The following WWTR1 variants were observed in gnomAD, a reference collection of about 807,000 sequenced individuals.
WWTR1 encodes WW domain containing transcription regulator 1, also known as WW domain-containing transcription regulator protein 1.
Under a neutral mutation model 40.1 loss-of-function variants are expected in WWTR1, and 13 were observed. That is an observed-to-expected ratio of 0.32 (90% CI 0.21 to 0.52). The LOEUF (loss-of-function observed/expected upper bound fraction) is 0.52. Among genes scored for constraint, WWTR1 ranks in the 20% least tolerant of loss-of-function variants. The probability of loss-of-function intolerance (pLI) is 0.97; values close to 1 mark genes in which losing one functional copy is unlikely to be tolerated. For synonymous variants in WWTR1, 230 were observed against 210.1 expected, an observed-to-expected ratio of 1.09 and a Z score of -0.82; for missense variants, 436 against 523.1, an observed-to-expected ratio of 0.83 and a Z score of 1.63.
intron 4 of WWTR1, among the ~76,000 whole-genome samples, chr3:149,722,293 T>A (rs1197636876): frequency 2.6e-5 from 4 of 152,082 alleles, no homozygotes; most frequent in Non-Finnish European, 5.9e-5. Context: ...GCTTTGGGTT[T>A]AGTTTCTTTT....
intron 2 of WWTR1, among the ~76,000 whole-genome samples, chr3:149,574,817 G>A (rs11917367): frequency 0.028 from 4,252 of 151,100 alleles, 196 homozygotes; most frequent in African/African-American, 0.098. Context: ...AAAAAAGGCC[G>A]GGGGCGGTGG....
intron 2 of WWTR1, among the ~76,000 whole-genome samples, chr3:149,622,502 G>GAAGAAAGA (rs60148340): frequency 0.049 from 2,268 of 46,254 alleles, 136 homozygotes; most frequent in African/African-American, 0.068. Context: ...AGGAAGGAAG[G>GAAGAAAGA]AAGAAAGAAA....
intron 1 of WWTR1, among the ~76,000 whole-genome samples, chr3:149,690,431 TC>T (rs2108212626): frequency 6.6e-6 from 1 of 152,050 alleles, no homozygotes; most frequent in East Asian, 1.9e-4. Flanking sequence ...AAAAAGACAT[TC>T]CATGAAAATG....
chr3:149,562,070 G>A (rs1020181667), intron 3 of WWTR1, among the ~76,000 whole-genome samples: 2 of 152,106 alleles, frequency 1.3e-5, no homozygotes, highest in African/African-American at 2.4e-5. Flanking sequence ...CGAGGCGGGC[G>A]GATCACCTGA....
At chr3:149,572,213 AG>A (rs1737667959) in intron 3 of WWTR1, among the ~76,000 whole-genome samples, 1 of 152,052 alleles carries the variant, frequency 6.6e-6, no homozygotes, top group Admixed American at 6.6e-5. Context: ...TACTTTTTGC[AG>A]GGGTTTTGGA....
At chr3:149,599,346 C>T (rs902233349) in intron 2 of WWTR1, among the ~76,000 whole-genome samples, 2 of 152,194 alleles carry the variant, frequency 1.3e-5, no homozygotes, top group East Asian at 3.8e-4. Flanking sequence ...CACTGAAGTT[C>T]AAAAGTTGGC....
At chr3:149,543,115 T>C (rs1189514688) in intron 3 of WWTR1, among the ~76,000 whole-genome samples, 1 of 152,172 alleles carries the variant, frequency 6.6e-6, no homozygotes, top group African/African-American at 2.4e-5. Context: ...CAGGAACAAA[T>C]ATCTGACTGA....
intron 1 of WWTR1, among the ~76,000 whole-genome samples, chr3:149,689,223 C>T (rs1013237263): frequency 1.3e-5 from 2 of 151,526 alleles, no homozygotes; most frequent in African/African-American, 4.8e-5. Flanking sequence ...CTCTCCAAAA[C>T]CACAAAAATT....
Position 149,517,938 on chromosome 3 carries a change from A to C in WWTR1, c.*2867T>G, listed in dbSNP as rs1734864747. ...GATGTTTACTGATTGATTTAGTACT[A>C]AAAAGACTAGTACTAAGAAGACTAA... On this transcript the variant is annotated 3_prime_UTR_variant, in exon 7 of 7. Transcript: ENST00000360632. 6.6e-6 allele frequency: 1 copy of C among 152,142 alleles called. No homozygotes were observed. The highest frequency in any genetic ancestry group is 2.4e-5 in the African/African-American group (1 of 41,434). 9.4% of individuals were successfully genotyped at this position (152,142 alleles called of 1,614,324 possible).
chr3:149,710,232 G>A (rs1046526426), intron 5 of WWTR1, among the ~76,000 whole-genome samples: 5 of 152,114 alleles, frequency 3.3e-5, no homozygotes, highest in African/African-American at 1.2e-4. Flanking sequence ...CATCTTTCTA[G>A]CTGGGCTATA....
At chr3:149,568,492 G>A (rs11926146) in intron 3 of WWTR1, among the ~76,000 whole-genome samples, 1 of 136,406 alleles carries the variant, frequency 7.3e-6, no homozygotes, top group Non-Finnish European at 1.6e-5. Context: ...TAAGCTAGAC[G>A]AAACTGGAGA....
At chr3:149,697,740 A>G (rs1030708292) in intron 1 of WWTR1, among the ~76,000 whole-genome samples, 6 of 152,244 alleles carry the variant, frequency 3.9e-5, no homozygotes, top group Non-Finnish European at 8.8e-5. Context: ...CCAAAAGTCC[A>G]AAGTCTCATC....
At chr3:149,687,193 G>A (rs1381541507) in intron 1 of WWTR1, among the ~76,000 whole-genome samples, 1 of 152,112 alleles carries the variant, frequency 6.6e-6, no homozygotes, top group East Asian at 1.9e-4. Flanking sequence ...TACTTCAACT[G>A]CAATTTTAGA....
intron 3 of WWTR1, among the ~76,000 whole-genome samples, chr3:149,562,429 C>T (rs758150476): frequency 2.2e-4 from 34 of 152,036 alleles, no homozygotes; most frequent in South Asian, 8.3e-4. Flanking sequence ...TATGAAAACA[C>T]ACTAGTGTCA....
intron 3 of WWTR1, among the ~76,000 whole-genome samples, chr3:149,548,277 AAC>A (rs1041854277): frequency 2.0e-5 from 3 of 152,196 alleles, no homozygotes; most frequent in Non-Finnish European, 4.4e-5. Flanking sequence ...AACACCAGGA[AAC>A]AGAGAGCCAC....
chr3:149,526,705 T>C (rs1029203930), intron 5 of WWTR1, among the ~76,000 whole-genome samples: 41 of 152,372 alleles, frequency 2.7e-4, no homozygotes, highest in African/African-American at 9.9e-4. Flanking sequence ...TCAAATACTT[T>C]AAAATCAACA....
intron 1 of WWTR1, among the ~76,000 whole-genome samples, chr3:149,691,931 G>A (rs1400368007): frequency 6.6e-6 from 1 of 152,190 alleles, no homozygotes; most frequent in East Asian, 1.9e-4. Context: ...CAGGAGAATG[G>A]CGTGAACCTG....
chr3:149,544,551 T>C (rs1736281872), intron 3 of WWTR1, among the ~76,000 whole-genome samples: 1 of 152,198 alleles, frequency 6.6e-6, no homozygotes, highest in South Asian at 2.1e-4. Flanking sequence ...TGGGAGATTA[T>C]CTAGTCCATC....
At chr3:149,578,520 T>G (rs1178554967) in intron 2 of WWTR1, among the ~76,000 whole-genome samples, 1 of 152,218 alleles carries the variant, frequency 6.6e-6, no homozygotes, top group African/African-American at 2.4e-5. Flanking sequence ...ATACCTATTA[T>G]GCATGATGGG....
Sources: allele counts gnomAD v4.1 joint callset (sites outside exome capture counted in the v4.1 genomes callset), GRCh38; gene constraint gnomAD v4.1.1; transcripts MANE v1.5; gene names NCBI Gene and HGNC (gene_info 2026-07-23, HGNC 2026-07-21).